LRRC4C: variants seen among roughly 807,000 people sequenced by gnomAD.
The protein encoded by LRRC4C is leucine rich repeat containing 4C.
A neutral mutation model predicts 33.6 loss-of-function variants in LRRC4C; 5 were observed. That is an observed-to-expected ratio of 0.15 (90% CI 0.08 to 0.31). The LOEUF (loss-of-function observed/expected upper bound fraction) is 0.31, where lower values mean the gene tolerates loss of function less well. LRRC4C is among the 10% of genes least tolerant of loss of function. LRRC4C has a pLI of 1.00. For missense variants in LRRC4C, 560 were observed against 796.7 expected, an observed-to-expected ratio of 0.70 and a Z score of 3.58; for synonymous variants, 329 against 302.0, an observed-to-expected ratio of 1.09 and a Z score of -0.93.
chr11:40,668,979 C>A (rs147459854), intron 2 of LRRC4C, among the ~76,000 whole-genome samples: 3 of 152,262 alleles, frequency 2.0e-5, no homozygotes, highest in South Asian at 4.2e-4. Context: ...GATGTTCTAA[C>A]CTCTATAGCC....
At chr11:41,397,910 C>A (rs1482793205) in intron 1 of LRRC4C, among the ~76,000 whole-genome samples, 1 of 151,796 alleles carries the variant, frequency 6.6e-6, no homozygotes, top group Admixed American at 6.6e-5. Context: ...ATAGCTAATT[C>A]TCTCTTCAGT....
At chr11:40,640,598 G>GT (rs1456795287) in intron 3 of LRRC4C, among the ~76,000 whole-genome samples, 1 of 151,752 alleles carries the variant, frequency 6.6e-6, no homozygotes, top group Non-Finnish European at 1.5e-5. Context: ...CCAAAAAATT[G>GT]TTTTTTATTT....
intron 5 of LRRC4C, among the ~76,000 whole-genome samples, chr11:40,147,912 A>G (rs1038437559): frequency 6.6e-6 from 1 of 152,006 alleles, no homozygotes; most frequent in Non-Finnish European, 1.5e-5. Context: ...TCACCCTGAT[A>G]GGCCCCAGTG....
At chr11:40,228,614 C>T (rs1054794510) in intron 5 of LRRC4C, among the ~76,000 whole-genome samples, 9 of 152,192 alleles carry the variant, frequency 5.9e-5, no homozygotes, top group Admixed American at 3.9e-4. Context: ...TCCTAAAGCG[C>T]TCCACCATGA....
rs146428299 is a variant in LRRC4C, at chr11:41,115,885, C to G, written c.-495-182162G>C. ...ATTACTGATGCTATTTGCCTGCCTC[C>G]TAGCTAGCAAGGTTTTTGGTTCTTA... On this transcript the variant is annotated intron_variant, in intron 1 of 6. Transcript: ENST00000528697. Among the ~76,000 whole-genome samples, 43 of 152,144 alleles carry G rather than the reference C, an allele frequency of 2.8e-4. 1 individual carries two copies. In the East Asian group the frequency reaches 8.3e-3, roughly 29 times the overall value.
At chr11:40,509,637 G>A (rs1373908807) in intron 3 of LRRC4C, among the ~76,000 whole-genome samples, 2 of 151,996 alleles carry the variant, frequency 1.3e-5, no homozygotes, top group Non-Finnish European at 2.9e-5. Context: ...ATTGGGTACT[G>A]ATTAAATACA....
At chr11:40,337,633 T>A (rs1946686515) in intron 3 of LRRC4C, among the ~76,000 whole-genome samples, 1 of 152,242 alleles carries the variant, frequency 6.6e-6, no homozygotes, top group African/African-American at 2.4e-5. Flanking sequence ...TGAAATAATC[T>A]GTTTACTCTT....
intron 2 of LRRC4C, among the ~76,000 whole-genome samples, chr11:40,899,548 G>T (rs556735330): frequency 1.6e-3 from 236 of 152,214 alleles, no homozygotes; most frequent in African/African-American, 5.5e-3. Flanking sequence ...GGCCCCTTCT[G>T]ATTATCTAGA....
intron 1 of LRRC4C, among the ~76,000 whole-genome samples, chr11:41,081,078 T>C (rs1939535155): frequency 6.6e-6 from 1 of 152,196 alleles, no homozygotes; most frequent in Non-Finnish European, 1.5e-5. Context: ...CCAGAGTTTA[T>C]TTGGAGAGTC....
At chr11:41,018,315 C>G (rs1855732011) in intron 1 of LRRC4C, among the ~76,000 whole-genome samples, 1 of 152,132 alleles carries the variant, frequency 6.6e-6, no homozygotes, top group Non-Finnish European at 1.5e-5. Flanking sequence ...ACTTCTAGAT[C>G]AGCACCAAAA....
intron 5 of LRRC4C, among the ~76,000 whole-genome samples, chr11:40,195,005 T>G (rs977384675): frequency 9.3e-5 from 14 of 150,878 alleles, no homozygotes; most frequent in African/African-American, 3.4e-4. Context: ...GTAGGAGAAT[T>G]GCGTGAACCC....
At chr11:41,100,178 T>C (rs1941079200) in intron 1 of LRRC4C, among the ~76,000 whole-genome samples, 1 of 152,136 alleles carries the variant, frequency 6.6e-6, no homozygotes, top group Non-Finnish European at 1.5e-5. Flanking sequence ...AAGAACTCTA[T>C]AATGAGAAAT....
chr11:41,108,317 T>A (rs1479183116), intron 1 of LRRC4C, among the ~76,000 whole-genome samples: 2 of 152,158 alleles, frequency 1.3e-5, no homozygotes, highest in Non-Finnish European at 2.9e-5. Flanking sequence ...CTTTTCTTTA[T>A]ATAATCCATT....
At chr11:40,994,482 C>T (rs949247520) in intron 1 of LRRC4C, among the ~76,000 whole-genome samples, 1 of 152,066 alleles carries the variant, frequency 6.6e-6, no homozygotes, top group Non-Finnish European at 1.5e-5. Context: ...GACGGTGATC[C>T]TTTCAGAATT....
chr11:40,904,016 G>A (rs1441667526), intron 2 of LRRC4C, among the ~76,000 whole-genome samples: 1 of 152,020 alleles, frequency 6.6e-6, no homozygotes, highest in African/African-American at 2.4e-5. Flanking sequence ...AGTACCAAGA[G>A]AACTAGAACT....
intron 1 of LRRC4C, among the ~76,000 whole-genome samples, chr11:41,189,064 C>A (rs944579267): frequency 6.6e-6 from 1 of 152,026 alleles, no homozygotes; most frequent in African/African-American, 2.4e-5. Context: ...ACTGACTCAC[C>A]TGTTTTCTCA....
chr11:41,021,366 C>T (rs978871811), intron 1 of LRRC4C, among the ~76,000 whole-genome samples: 29 of 151,890 alleles, frequency 1.9e-4, no homozygotes, highest in South Asian at 1.5e-3. Context: ...CTAGAGTTCT[C>T]CTTTCCTATA....
At chr11:40,677,122 A>G (rs1944443485) in intron 2 of LRRC4C, among the ~76,000 whole-genome samples, 2 of 152,222 alleles carry the variant, frequency 1.3e-5, no homozygotes, top group African/African-American at 4.8e-5. Flanking sequence ...GTGGTGGCTC[A>G]TGCCTGTAAT....
rs768891123 is a variant in LRRC4C, at chr11:41,376,821, TTATAA to T, written c.-496+82605_-496+82609del. On this transcript the variant is annotated intron_variant, in intron 1 of 6. Transcript: ENST00000528697. ...CAGGTGATTTTAAAAATTTATATTC[TTATAA>T]TAGAAAGAAAATAGATAGATACACA... 2.0e-5 allele frequency among the ~76,000 whole-genome samples: 3 copies of T among 151,972 alleles called. 1 individual carries two copies. The highest frequency in any genetic ancestry group is 4.1e-4 in the South Asian group (2 of 4,828).
Sources: gnomAD v4.1 joint callset for allele counts (sites outside exome capture counted in the v4.1 genomes callset) on GRCh38, gnomAD v4.1.1 for gene constraint, MANE v1.5 for transcripts, NCBI Gene and HGNC (gene_info 2026-07-23, HGNC 2026-07-21) for gene names.